The following LETM1 variants were observed in gnomAD, a reference collection of about 807,000 sequenced individuals.
LETM1 encodes mitochondrial proton/calcium exchanger protein.
A neutral mutation model predicts 74.5 loss-of-function variants in LETM1; 50 were observed. The ratio of observed to expected loss-of-function variants is 0.67; its 90% CI spans 0.53 to 0.85. The LOEUF (loss-of-function observed/expected upper bound fraction) is 0.85, where lower values mean the gene tolerates loss of function less well. LETM1 is among the 40% of genes least tolerant of loss of function. LETM1 has a pLI of 0.00. For missense variants in LETM1, 824 were observed against 967.8 expected (o/e 0.85, Z 1.97); for synonymous variants, 446 against 407.1 (o/e 1.10, Z -1.15).
intron 9 of LETM1, 114 bp from the exon 10 acceptor site, chr4:1,822,426 G>T: frequency 8.3e-7 from 1 of 1,202,344 alleles, no homozygotes. Flanking sequence ...GCCTGCAGGT[G>T]ACATTGGGCA....
chr4:1,852,292 AG>A (rs1713094394), intron 1 of LETM1, among the ~76,000 whole-genome samples: 1 of 152,206 alleles, frequency 6.6e-6, no homozygotes, highest in Non-Finnish European at 1.5e-5. Flanking sequence ...TTACTGTCAC[AG>A]TTTATTATAA....
intron 7 of LETM1, among the ~76,000 whole-genome samples, chr4:1,824,270 G>A (rs114159615): frequency 0.04 from 6,045 of 152,246 alleles, 410 homozygotes; most frequent in African/African-American, 0.14. Context: ...GTTTCAAGCC[G>A]AAATCGCGCC....
At chr4:1,822,124 C>T (rs1342878936) in intron 10 of LETM1, 57 bp downstream of exon 10, 3 of 1,348,926 alleles carry the variant, frequency 2.2e-6, no homozygotes, top group Non-Finnish European at 2.9e-6. Context: ...CACAACTGTC[C>T]ACAAAGCCAG....
rs569722320 is a variant in LETM1 at position 1,834,382 on chromosome 4, C to T, written c.876+463G>A. 2.5e-4 allele frequency: 249 copies of T among 991,132 alleles called. 3 individuals carry two copies. The South Asian group carries it at 9.3e-3, about 37-fold the overall frequency. The allele number at this position is 991,132 out of a possible 1,614,324, so 61.4% of individuals were successfully genotyped here. ...ATCCTCACCTCACTCACCACATGAC[C>T]GCAGGAAACCTCAAGGGCCGCTCCT... is the stretch of plus-strand genomic sequence containing the variant. On this transcript the variant is annotated intron_variant, in intron 5 of 13. Coordinates refer to ENST00000302787, the MANE Select transcript of LETM1 (RefSeq NM_012318.3). The surrounding 1 kb of genome is among the most constrained non-coding windows in gnomAD (Gnocchi z 5.0).
Position 1,815,667 on chromosome 4 carries a change from G to A in LETM1, c.2067C>T (p.Val689=). 6.2e-7 allele frequency: 1 copy of A among 1,614,150 alleles called. No individual in the cohort carries two copies. The highest frequency in any genetic ancestry group is 8.5e-7 in the Non-Finnish European group (1 of 1,180,008). ...KDGKVNIDDL[V]KVIELVDKED... Reference sequence around the variant, plus strand: ...CGTGGTCCCCAGCGAGGCCCACCTTGACGAGGTCGTCGATGTTGACCTTGC... The same window carrying A: ...CGTGGTCCCCAGCGAGGCCCACCTTAACGAGGTCGTCGATGTTGACCTTGC... The change falls in exon 13 of 14, where the codon GTC becomes GTT. Residue 689 remains valine (V), a synonymous_variant. Transcript: ENST00000302787.
At chr4:1,815,613 C>T (rs1169219006) in intron 13 of LETM1, 51 bp downstream of exon 13, 1 of 1,604,262 alleles carries the variant, frequency 6.2e-7, no homozygotes, top group Non-Finnish European at 8.5e-7. Flanking sequence ...CTGCCCCACC[C>T]CACTCCAGAG....
At chr4:1,833,228 A>G (rs1402970493) in intron 5 of LETM1, 23 of 414,208 alleles carry the variant, frequency 5.6e-5, no homozygotes, top group Non-Finnish European at 6.2e-5. Flanking sequence ...GCGCCACCAC[A>G]CCCAGCTAAT....
At chr4:1,816,619 C>G in intron 12 of LETM1, 108 bp downstream of exon 12, 1 of 1,079,678 alleles carries the variant, frequency 9.3e-7, no homozygotes, top group Admixed American at 2.3e-5. Context: ...CAGGCAGAGG[C>G]TACAATGTGC....
At position 1,849,156 on chromosome 4, in the gene LETM1, T is replaced by C. The variant is rs769325332; in HGVS notation, c.136A>G (p.Asn46Asp). 6.2e-7 allele frequency: 1 copy of C among 1,612,006 alleles called. No homozygotes were observed. Among genetic ancestry groups the C allele is most frequent in the South Asian group, 1.1e-5 (1 of 91,040 alleles). ...TGATACTGATTTACTCACAGGCAGTTCCTCAACCCCAGGGTGCTGGCACAG... is the reference window on the plus strand; with the variant it reads ...TGATACTGATTTACTCACAGGCAGTCCCTCAACCCCAGGGTGCTGGCACAG... ...LSCASTLGLR[N>D]CLNVPFGCCT... The change falls in exon 2 of 14, where the codon AAC becomes GAC. Residue 46 changes from asparagine to aspartate, a missense_variant. Asn to Asp is a conservative substitution (Grantham distance 23). This residue lies in a region of LETM1 where 222 missense variants were observed against 195.6 expected (regional missense o/e 1.14). Transcript: ENST00000302787.
At position 1,842,724 on chromosome 4, in the gene LETM1, C is replaced by T. The variant is rs538127433; in HGVS notation, c.144-927G>A. On this transcript the variant is annotated intron_variant, in intron 2 of 13. Transcript: ENST00000302787. ...TCCACGCTGCATCGGCCCCAGTTGC[C>T]GCCTGTGCCATATCCACCCACAGAA... Among the ~76,000 whole-genome samples the T allele has an allele frequency of 1.7e-4, 26 of 152,324 alleles. No individual in the cohort carries two copies. The East Asian group carries it at 1.7e-3, about 10-fold the overall frequency.
intron 1 of LETM1, among the ~76,000 whole-genome samples, chr4:1,855,178 G>A (rs970783500): frequency 1.3e-5 from 2 of 152,172 alleles, no homozygotes; most frequent in Admixed American, 6.5e-5. Flanking sequence ...GTCCCTCTTA[G>A]CAAGTTTTAT....
intron 9 of LETM1, 154 bp from the exon 10 acceptor site, chr4:1,822,466 G>A: frequency 3.5e-6 from 3 of 867,162 alleles, no homozygotes; most frequent in Non-Finnish European, 4.7e-6. Context: ...TCCCTAGGGA[G>A]GCTCCATGCA....
intron 12 of LETM1, among the ~76,000 whole-genome samples, chr4:1,816,333 C>T (rs894402770): frequency 2.0e-5 from 3 of 152,194 alleles, no homozygotes; most frequent in East Asian, 1.9e-4. Flanking sequence ...GCCACTGCTG[C>T]GCAGGAATCT....
At chr4:1,854,013 G>T (rs545300436) in intron 1 of LETM1, among the ~76,000 whole-genome samples, 1 of 152,104 alleles carries the variant, frequency 6.6e-6, no homozygotes, top group Admixed American at 6.5e-5. Context: ...TAATAAGCAC[G>T]AAGTGTTAAA....
chr4:1,832,159 G>A (rs545253253), intron 6 of LETM1, among the ~76,000 whole-genome samples: 6 of 152,224 alleles, frequency 3.9e-5, no homozygotes, highest in East Asian at 1.9e-4. Flanking sequence ...AAAAATAGCC[G>A]GGTATGGTGG....
chr4:1,828,913 T>G (rs1577316699), intron 6 of LETM1, among the ~76,000 whole-genome samples: 1 of 95,816 alleles, frequency 1.0e-5, no homozygotes, highest in Admixed American at 9.6e-5. Context: ...GCAGAGGGGC[T>G]CCTCACTTCC....
chr4:1,855,757 G>C (rs1713219299), intron 1 of LETM1, 112 bp downstream of exon 1: 1 of 632,598 alleles, frequency 1.6e-6, no homozygotes, highest in Non-Finnish European at 2.2e-6. Context: ...CCGGAGGCCG[G>C]GACCACCGGG....
At chr4:1,821,555 G>A (rs1711775495) in intron 10 of LETM1, among the ~76,000 whole-genome samples, 2 of 152,216 alleles carry the variant, frequency 1.3e-5, no homozygotes, top group Admixed American at 1.3e-4. Flanking sequence ...TGGGTCTGGT[G>A]GTGCACGCCT....
At chr4:1,815,909 C>T (rs992668759) in intron 12 of LETM1, 107 bp from the exon 13 acceptor site, 16 of 1,411,346 alleles carry the variant, frequency 1.1e-5, no homozygotes, top group African/African-American at 5.6e-5. Context: ...CAGGCGGCTC[C>T]GCGTGAGCCA....
Sources: gnomAD v4.1 joint callset for allele counts (sites outside exome capture counted in the v4.1 genomes callset) on GRCh38, gnomAD v4.1.1 for gene constraint, gnomAD v4.1.1 regional missense constraint, Gnocchi (gnomAD v3.1) non-coding constraint, MANE v1.5 for transcripts, NCBI Gene and HGNC (gene_info 2026-07-23, HGNC 2026-07-21) for gene names.